The following PCBP3 variants were observed in gnomAD, a reference collection of about 807,000 sequenced individuals.
PCBP3 encodes poly(rC) binding protein 3.
In PCBP3, 25 loss-of-function variants were observed where a neutral mutation model predicts 52.7. The ratio of observed to expected loss-of-function variants is 0.47; its 90% CI spans 0.35 to 0.66. The LOEUF (loss-of-function observed/expected upper bound fraction) is 0.66. Ranked by LOEUF, PCBP3 falls within the 30% of genes least tolerant of loss-of-function variation. The probability of loss-of-function intolerance (pLI) is 0.01; values close to 1 mark genes in which losing one functional copy is unlikely to be tolerated. For synonymous variants in PCBP3, 162 were observed against 183.0 expected (o/e 0.89, Z 0.93); for missense variants, 391 against 490.3 (o/e 0.80, Z 1.91).
At chr21:45,893,680 A>C (rs953167453) in intron 5 of PCBP3, 121 of 889,862 alleles carry the variant, frequency 1.4e-4, no homozygotes, top group Non-Finnish European at 1.5e-4. Context: ...TCCCTGTCCC[A>C]TTGCATGGGC....
chr21:45,826,418 A>C (rs1159398226), intron 4 of PCBP3, among the ~76,000 whole-genome samples: 1 of 152,134 alleles, frequency 6.6e-6, no homozygotes, highest in Non-Finnish European at 1.5e-5. Context: ...GGATAACTAC[A>C]CTCAGTGAAA....
chr21:45,844,867 C>T lies in PCBP3; in HGVS notation c.-125-5094C>T, dbSNP rs1016016113. ...GTATATAAAGTTATAACTTTATATA[C>T]GTATATGAAGTTTATATACGTATAT... On this transcript the variant is annotated intron_variant, in intron 4 of 17. Coordinates refer to ENST00000681687, the MANE Select transcript of PCBP3 (RefSeq NM_001384156.1). Among the ~76,000 whole-genome samples the T allele has an allele frequency of 4.1e-5, 6 of 148,000 alleles. No individual in the cohort carries two copies. In the South Asian group the frequency reaches 6.5e-4, roughly 16 times the overall value.
chr21:45,832,887 G>C (rs903328220), intron 4 of PCBP3, among the ~76,000 whole-genome samples: 20 of 152,206 alleles, frequency 1.3e-4, no homozygotes, highest in African/African-American at 4.6e-4. Flanking sequence ...GCAGGAGAGA[G>C]AAGTGTGGGC....
intron 16 of PCBP3, among the ~76,000 whole-genome samples, chr21:45,939,228 G>A (rs987669661): frequency 2.0e-5 from 3 of 152,206 alleles, no homozygotes; most frequent in Admixed American, 6.5e-5. Context: ...GCTCTCATCC[G>A]TGGCCTATGC....
At chr21:45,748,140 G>A (rs1473858997) in intron 3 of PCBP3, 3 of 152,600 alleles carry the variant, frequency 2.0e-5, no homozygotes, top group African/African-American at 7.2e-5. Flanking sequence ...ATTTAGACAG[G>A]TGGGAGTCAG....
chr21:45,856,434 G>A (rs2094297334), intron 5 of PCBP3, among the ~76,000 whole-genome samples: 1 of 152,194 alleles, frequency 6.6e-6, no homozygotes, highest in African/African-American at 2.4e-5. Flanking sequence ...ATCTCACATG[G>A]AAATGTGATC....
intron 13 of PCBP3, among the ~76,000 whole-genome samples, chr21:45,920,739 C>T (rs1399830737): frequency 2.0e-5 from 3 of 152,200 alleles, no homozygotes; most frequent in African/African-American, 7.2e-5. Context: ...CCCTCCATCC[C>T]TCCTGTCATG....
rs887344769 is a variant in PCBP3 at position 45,928,049 on chromosome 21, A to C, written c.718-1868A>C. On this transcript the variant is annotated intron_variant, in intron 13 of 17. Coordinates refer to ENST00000681687, the MANE Select transcript of PCBP3 (RefSeq NM_001384156.1). The surrounding 1 kb of genome is among the most constrained non-coding windows in gnomAD (Gnocchi z 4.1). Reference sequence around the variant, plus strand: ...GGGCGATCTTGCCTGCAGCTCTCCTACCCGGCCTGGGACACTTGCGGTCTT... The same window carrying C: ...GGGCGATCTTGCCTGCAGCTCTCCTCCCCGGCCTGGGACACTTGCGGTCTT... 1.3e-5 allele frequency among the ~76,000 whole-genome samples: 2 copies of C among 152,136 alleles called. No individual in the cohort carries two copies. The highest frequency in any genetic ancestry group is 1.5e-5 in the Non-Finnish European group (1 of 68,004).
chr21:45,780,348 T>A (rs2090547692), intron 4 of PCBP3, among the ~76,000 whole-genome samples: 1 of 152,246 alleles, frequency 6.6e-6, no homozygotes, highest in Non-Finnish European at 1.5e-5. Flanking sequence ...TTGAAGTCTC[T>A]CTCTGGAAAG....
chr21:45,913,863 G>A, intron 11 of PCBP3, 88 bp from the exon 12 acceptor site: 2 of 1,229,896 alleles, frequency 1.6e-6, no homozygotes, highest in Non-Finnish European at 2.3e-6. Flanking sequence ...GCAGGGGGCT[G>A]AGTGGGGTGG....
chr21:45,794,802 G>A (rs910387794), intron 4 of PCBP3, among the ~76,000 whole-genome samples: 5 of 152,090 alleles, frequency 3.3e-5, no homozygotes, highest in Admixed American at 6.5e-5. Flanking sequence ...GGTGGCAGGT[G>A]CCTGTAGTCC....
chr21:45,879,773 GA>G (rs551084901), intron 5 of PCBP3, among the ~76,000 whole-genome samples: 1 of 150,752 alleles, frequency 6.6e-6, no homozygotes, highest in African/African-American at 2.4e-5. Context: ...AAGAGAAAAT[GA>G]AAAAAAACCT....
Position 45,908,472 on chromosome 21 carries a change from A to T in PCBP3, c.340-883A>T, listed in dbSNP as rs1426928659. ...CAGTTTGTCCAGGCACACACTGGCCAAGCCTTGTTTCTAAGAAGAGGGCAC... is the reference window on the plus strand; with the variant it reads ...CAGTTTGTCCAGGCACACACTGGCCTAGCCTTGTTTCTAAGAAGAGGGCAC... On this transcript the variant is annotated intron_variant, in intron 9 of 17. Coordinates refer to ENST00000681687, the MANE Select transcript of PCBP3 (RefSeq NM_001384156.1). Among the ~76,000 whole-genome samples, 4 of 152,240 alleles carry T rather than the reference A, an allele frequency of 2.6e-5. No individual in the cohort carries two copies. In the East Asian group the frequency reaches 7.7e-4, roughly 29 times the overall value.
rs143716983 is a variant in PCBP3 at position 45,660,904 on chromosome 21, G to A, written c.-278-7970G>A. Among the ~76,000 whole-genome samples the A allele has an allele frequency of 3.9e-3, 588 of 152,246 alleles. 2 individuals carry two copies. Among genetic ancestry groups the A allele is most frequent in the Middle Eastern group, 0.02 (6 of 294 alleles). ...AAAATAACAAAAATTAGCCGGGAGT[G>A]GTGGTGCATGCCTGTAATTGCAGCT... On this transcript the variant is annotated intron_variant, in intron 1 of 17. Coordinates refer to ENST00000681687, the MANE Select transcript of PCBP3 (RefSeq NM_001384156.1).
chr21:45,824,233 A>G (rs2093242374), intron 4 of PCBP3, among the ~76,000 whole-genome samples: 1 of 152,160 alleles, frequency 6.6e-6, no homozygotes, highest in South Asian at 2.1e-4. Context: ...ACTCAGGACA[A>G]GTCTAAGGAT....
At chr21:45,886,902 G>A (rs1472937959) in intron 5 of PCBP3, among the ~76,000 whole-genome samples, 1 of 152,230 alleles carries the variant, frequency 6.6e-6, no homozygotes, top group East Asian at 1.9e-4. Context: ...TGGTGAGGGC[G>A]GAGGTCTAGG....
chr21:45,892,983 G>A (rs1434684707), intron 5 of PCBP3, among the ~76,000 whole-genome samples: 1 of 151,976 alleles, frequency 6.6e-6, no homozygotes, highest in Non-Finnish European at 1.5e-5. Flanking sequence ...CTGGAGAGGG[G>A]AGGGAGTCCT....
chr21:45,868,280 CTCTG>C (rs1419562414), intron 5 of PCBP3, among the ~76,000 whole-genome samples: 3 of 152,258 alleles, frequency 2.0e-5, no homozygotes, highest in Admixed American at 6.5e-5. Flanking sequence ...GGGTGGCTTC[CTCTG>C]TCTGCGCGGT....
At chr21:45,746,995 A>C (rs1253072481) in intron 3 of PCBP3, among the ~76,000 whole-genome samples, 5 of 151,584 alleles carry the variant, frequency 3.3e-5, no homozygotes, top group African/African-American at 1.2e-4. Flanking sequence ...CGTAGCGCAC[A>C]CGGTGTTGTC....
Sources: allele counts gnomAD v4.1 joint callset (sites outside exome capture counted in the v4.1 genomes callset), GRCh38; gene constraint gnomAD v4.1.1; non-coding constraint Gnocchi (gnomAD v3.1); transcripts MANE v1.5; gene names NCBI Gene and HGNC (gene_info 2026-07-23, HGNC 2026-07-21).